ESF1: variants seen among roughly 807,000 people sequenced by gnomAD.
ESF1 encodes ESF1 homolog.
ESF1 carries 58 observed loss-of-function variants against 92.0 expected under a neutral mutation model. That is an observed-to-expected ratio of 0.63 (90% CI 0.51 to 0.78). ESF1 has a LOEUF of 0.78. Ranked by LOEUF, ESF1 falls within the 30% of genes least tolerant of loss-of-function variation. The pLI, the probability that ESF1 is intolerant of heterozygous loss-of-function variation, is 0.00. For synonymous variants in ESF1, 321 were observed against 313.7 expected (o/e 1.02, Z -0.24); for missense variants, 922 against 989.1 (o/e 0.93, Z 0.91).
chr20:13,747,283 G>C (rs1200895614), intron 9 of ESF1, among the ~76,000 whole-genome samples: 3 of 151,786 alleles, frequency 2.0e-5, no homozygotes, highest in Non-Finnish European at 4.4e-5. Context: ...AAACAGGGCT[G>C]GGCATGGTGG....
At chr20:13,739,597 GA>G (rs2049997944) in intron 9 of ESF1, among the ~76,000 whole-genome samples, 1 of 151,928 alleles carries the variant, frequency 6.6e-6, no homozygotes, top group African/African-American at 2.4e-5. Context: ...AAAGAAGACT[GA>G]AGAACTACTT....
intron 7 of ESF1, 23 bp from the exon 8 acceptor site, chr20:13,766,947 A>C (rs892747577): frequency 3.4e-5 from 54 of 1,603,094 alleles, no homozygotes; most frequent in Non-Finnish European, 4.4e-5. Flanking sequence ...AATAAGAAAA[A>C]ATAACACACG....
intron 9 of ESF1, among the ~76,000 whole-genome samples, chr20:13,742,271 G>C (rs2050018276): frequency 6.6e-6 from 1 of 152,100 alleles, no homozygotes; most frequent in Admixed American, 6.5e-5. Context: ...GGGAGTTTGA[G>C]ACCAGTCTGG....
At chr20:13,716,284 AG>A (rs34175600) in intron 13 of ESF1, among the ~76,000 whole-genome samples, 21,682 of 152,110 alleles carry the variant, frequency 0.14, 1,683 homozygotes, top group African/African-American at 0.19. Context: ...TGCAGCCATT[AG>A]GAATATGTAC....
rs1415573903 is a variant in ESF1, at chr20:13,714,933, T to C, written c.2497A>G (p.Lys833Glu). Residue 833 changes from lysine to glutamate, a missense_variant, in exon 14 of 14, where the codon AAA (lysine) becomes GAA (glutamate). By Grantham distance (56) the Lys-to-Glu change is moderately conservative. Transcript: ENST00000617257. ...TGCTCTGTTTTGGTTTTTATAGATT[T>C]AATCAACATTGACAAAGCAGGATCA... ...SIDPALSMLI[K>E]SIKTKTEQFQ... 2 of 1,613,562 alleles carry C rather than the reference T, an allele frequency of 1.2e-6. No homozygotes were observed. Among genetic ancestry groups the C allele is most frequent in the Non-Finnish European group, 1.7e-6 (2 of 1,179,830 alleles).
chr20:13,779,587 T>C (rs1980090426), intron 2 of ESF1, among the ~76,000 whole-genome samples: 1 of 152,248 alleles, frequency 6.6e-6, no homozygotes, highest in African/African-American at 2.4e-5. Context: ...CAGGCTGGAG[T>C]GCAGTGGCAC....
chr20:13,745,356 A>T (rs560713322), intron 9 of ESF1, among the ~76,000 whole-genome samples: 1 of 152,264 alleles, frequency 6.6e-6, no homozygotes, highest in Admixed American at 6.5e-5. Context: ...ATACATTGTG[A>T]TAAGTTATAC....
Position 13,776,044 on chromosome 20 carries a change from C to T in ESF1, c.864G>A (p.Glu288=), listed in dbSNP as rs1979920122. Residue 288 remains glutamate, a synonymous_variant, in exon 3 of 14, where the codon GAG becomes GAA. Transcript: ENST00000617257. ...CACTTTTATCATCATCCTCACTATC[C>T]TCATCTTCATCCTCCTCTTCATCTT... is the stretch of plus-strand genomic sequence containing the variant. ...EDEDEEEDED[E]DSEDDDKSDS... 3.7e-6 allele frequency: 6 copies of T among 1,613,712 alleles called. No individual in the cohort carries two copies. The highest frequency in any genetic ancestry group is 5.1e-6 in the Non-Finnish European group (6 of 1,179,858).
intron 9 of ESF1, among the ~76,000 whole-genome samples, chr20:13,748,533 CATATATATGTGTGTGTAT>C (rs1568718238): frequency 0.058 from 6,875 of 118,862 alleles, 224 homozygotes; most frequent in Non-Finnish European, 0.07. Flanking sequence ...TATATATACA[CATATATATGTGTGTGTAT>C]ATATATATAT....
intron 9 of ESF1, among the ~76,000 whole-genome samples, chr20:13,742,641 G>C (rs1382095156): frequency 6.6e-6 from 1 of 151,998 alleles, no homozygotes; most frequent in Non-Finnish European, 1.5e-5. Context: ...TGTGACAGGA[G>C]TATGAATATA....
At chr20:13,767,375 G>A (rs1345243624) in intron 7 of ESF1, among the ~76,000 whole-genome samples, 1 of 151,958 alleles carries the variant, frequency 6.6e-6, no homozygotes, top group Non-Finnish European at 1.5e-5. Context: ...TGAAAAATTA[G>A]CTGGGCGTGG....
chr20:13,774,380 A>G (rs1979831111), intron 4 of ESF1, among the ~76,000 whole-genome samples: 1 of 152,220 alleles, frequency 6.6e-6, no homozygotes. Flanking sequence ...GTAAGTATAT[A>G]TAATGCAATT....
At chr20:13,752,878 C>T (rs1478275524) in intron 9 of ESF1, among the ~76,000 whole-genome samples, 1 of 152,094 alleles carries the variant, frequency 6.6e-6, no homozygotes, top group Non-Finnish European at 1.5e-5. Flanking sequence ...ACCCCTACTC[C>T]ATGCCCAAGG....
chr20:13,760,364 G>A (rs565061798), intron 8 of ESF1, among the ~76,000 whole-genome samples: 47 of 150,362 alleles, frequency 3.1e-4, no homozygotes, highest in Admixed American at 2.6e-3. Flanking sequence ...ATCTCTGCCC[G>A]GCCGCCCATC....
At chr20:13,773,919 A>T (rs963360870) in intron 4 of ESF1, among the ~76,000 whole-genome samples, 2 of 151,460 alleles carry the variant, frequency 1.3e-5, no homozygotes, top group Admixed American at 1.3e-4. Context: ...CACAGTGAAA[A>T]CCCGTCTCTA....
intron 10 of ESF1, 46 bp downstream of exon 10, chr20:13,733,675 T>C (rs75515786): frequency 5.8e-5 from 91 of 1,564,864 alleles, no homozygotes; most frequent in Non-Finnish European, 7.7e-5. Flanking sequence ...CCATCTGATA[T>C]ATGGTTGGTA....
Position 13,769,964 on chromosome 20 carries a change from C to A in ESF1, c.1461G>T (p.Val487=). The A allele has an allele frequency of 6.2e-7, 1 of 1,612,408 alleles. No individual in the cohort carries two copies. The highest frequency in any genetic ancestry group is 8.5e-7 in the Non-Finnish European group (1 of 1,179,748). The change falls in exon 7 of 14, where the codon GTG becomes GTT. Residue 487 remains valine, a synonymous_variant. Transcript: ENST00000617257. ...ATTTTGGTTTATATGCTGTTAAATT[C>A]ACTTCTGAGGCTACATCCTTAGGCT... ...DDEPKDVASE[V]NLTAYKPKYF...
At chr20:13,754,058 C>A (rs1246011067) in intron 9 of ESF1, among the ~76,000 whole-genome samples, 1 of 152,188 alleles carries the variant, frequency 6.6e-6, no homozygotes, top group Non-Finnish European at 1.5e-5. Context: ...GTGCTTGCAA[C>A]TTTCTATCAA....
At chr20:13,740,975 C>T (rs2050010041) in intron 9 of ESF1, among the ~76,000 whole-genome samples, 1 of 149,548 alleles carries the variant, frequency 6.7e-6, no homozygotes, top group Admixed American at 6.7e-5. Context: ...ATACCCTTCC[C>T]TCCCTAATCC....
Sources: allele counts gnomAD v4.1 joint callset (sites outside exome capture counted in the v4.1 genomes callset), GRCh38; gene constraint gnomAD v4.1.1; transcripts MANE v1.5; gene names NCBI Gene and HGNC (gene_info 2026-07-23, HGNC 2026-07-21).